Variants in CYP3A5 observed in about 807,000 individuals in gnomAD.
CYP3A5 encodes the protein cytochrome P450 3A5.
CYP3A5 carries 51 observed loss-of-function variants against 55.9 expected under a neutral mutation model. The ratio of observed to expected loss-of-function variants is 0.91; its 90% CI spans 0.73 to 1.15. The LOEUF is 1.15. Among genes scored for constraint, CYP3A5 ranks in the 50% most tolerant of loss-of-function variants. The pLI is 0.00. For synonymous variants in CYP3A5, 196 were observed against 213.9 expected (o/e 0.92, Z 0.73); for missense variants, 533 against 596.6 (o/e 0.89, Z 1.11).
intron 4 of CYP3A5, among the ~76,000 whole-genome samples, chr7:99,669,764 TA>T: frequency 6.6e-6 from 1 of 152,214 alleles, no homozygotes; most frequent in East Asian, 1.9e-4. Context: ...AAGACACAAC[TA>T]AATCAAGAGA....
chr7:99,677,380 T>C (rs1812388292), intron 1 of CYP3A5, among the ~76,000 whole-genome samples: 1 of 152,178 alleles, frequency 6.6e-6, no homozygotes, highest in Non-Finnish European at 1.5e-5. Context: ...AGAATCCACA[T>C]GCCTCATATG....
chr7:99,649,387 A>G (rs769673634), intron 12 of CYP3A5, among the ~76,000 whole-genome samples: 16 of 152,210 alleles, frequency 1.1e-4, no homozygotes, highest in Non-Finnish European at 2.2e-4. Flanking sequence ...ATATGAATCA[A>G]TGACATCTGT....
intron 8 of CYP3A5, 125 bp downstream of exon 8, chr7:99,663,843 C>A (rs1810689268): frequency 1.2e-5 from 17 of 1,395,198 alleles, no homozygotes; most frequent in Non-Finnish European, 1.5e-5. Flanking sequence ...CAAATGGCTT[C>A]TCTTGTTCTA....
At position 99,662,764 on chromosome 7, in the gene CYP3A5, C is replaced by A. The variant is rs1433366537; in HGVS notation, c.865+52G>T. The A allele has an allele frequency of 4.6e-6, 7 of 1,524,532 alleles. No homozygotes were observed. Among genetic ancestry groups the A allele is most frequent in the South Asian group, 1.1e-5 (1 of 88,636 alleles). 94.4% of individuals were successfully genotyped at this position (1,524,532 alleles called of 1,614,324 possible). The stretch of plus-strand genomic sequence containing the variant: ...CTTCCTGCACATTTTCAGAACAAGG[C>A]CCTCCCTCTTAGTGTCCCCGCCAGT... On this transcript the variant is annotated intron_variant, in intron 9 of 12. Transcript: ENST00000222982. This position sits in a 1 kb window ranked among gnomAD's most constrained non-coding sequence, Gnocchi z 4.3.
At chr7:99,660,332 G>A (rs889896738) in intron 10 of CYP3A5, 167 bp downstream of exon 10, 83 of 1,245,304 alleles carry the variant, frequency 6.7e-5, no homozygotes, top group African/African-American at 5.4e-4. Context: ...AGTAGCAACC[G>A]TTCTCTATGT....
chr7:99,673,699 T>G (rs1811930211), intron 3 of CYP3A5, among the ~76,000 whole-genome samples: 1 of 152,164 alleles, frequency 6.6e-6, no homozygotes, highest in Non-Finnish European at 1.5e-5. Flanking sequence ...GGCTTTTAAT[T>G]GAAAGTGAAT....
At chr7:99,669,249 CAAAG>C (rs1811344548) in intron 4 of CYP3A5, among the ~76,000 whole-genome samples, 1 of 152,194 alleles carries the variant, frequency 6.6e-6, no homozygotes, top group South Asian at 2.1e-4. Context: ...TGCCAGTTTT[CAAAG>C]ACTACAATTT....
intron 6 of CYP3A5, 25 bp from the exon 7 acceptor site, chr7:99,665,339 T>C: frequency 1.9e-6 from 3 of 1,613,584 alleles, no homozygotes; most frequent in South Asian, 2.2e-5. Flanking sequence ...ATATGGAAAA[T>C]TAAAATCAGC....
intron 10 of CYP3A5, among the ~76,000 whole-genome samples, chr7:99,658,590 G>T (rs1584424124): frequency 6.6e-6 from 1 of 152,190 alleles, no homozygotes; most frequent in African/African-American, 2.4e-5. Context: ...GAGTATCTTT[G>T]TGGCGTTCTC....
intron 10 of CYP3A5, among the ~76,000 whole-genome samples, chr7:99,656,046 C>G (rs1349945633): frequency 6.6e-6 from 1 of 152,200 alleles, no homozygotes; most frequent in Non-Finnish European, 1.5e-5. Context: ...TTGACTTCCT[C>G]TTTTCCTAAT....
chr7:99,656,257 C>A (rs1454269293), intron 10 of CYP3A5, among the ~76,000 whole-genome samples: 1 of 152,164 alleles, frequency 6.6e-6, no homozygotes, highest in Non-Finnish European at 1.5e-5. Flanking sequence ...TAGGTTCCAT[C>A]AATACCTAAT....
At chr7:99,650,047 A>G (rs747168970) in intron 12 of CYP3A5, 26 bp downstream of exon 12, 31 of 1,612,694 alleles carry the variant, frequency 1.9e-5, no homozygotes, top group Non-Finnish European at 2.4e-5. Context: ...AAAATTCTTA[A>G]TAAAACATAC....
In CYP3A5 at chr7:99,652,594, G is replaced by T. The variant is rs1809301631; in HGVS notation, c.1212C>A (p.Asp404Glu). The change falls in exon 11 of 13, where the codon GAC becomes GAA. Residue 404 changes from aspartate to glutamate, a missense_variant. By Grantham distance (45) the Asp-to-Glu change is conservative. Transcript: ENST00000222982. ...CCTCAGGCTCTGTCCAGTACTTTGG[G>T]TCATGGTGAAGAGCATAAGTTGGAA... ...VVIPTYALHH[D>E]PKYWTEPEEF... is the part of the protein sequence containing the mutation. 2.5e-6 allele frequency: 4 copies of T among 1,613,884 alleles called. No individual in the cohort carries two copies. Among genetic ancestry groups the T allele is most frequent in the Non-Finnish European group, 3.4e-6 (4 of 1,179,860 alleles).
intron 3 of CYP3A5, 99 bp from the exon 4 acceptor site, chr7:99,672,778 C>A: frequency 6.3e-7 from 1 of 1,580,916 alleles, no homozygotes; most frequent in East Asian, 2.3e-5. Context: ...GTTATGTAAT[C>A]CATACCCCTA....
In CYP3A5 at chr7:99,653,210, G is replaced by A. The variant is rs890808731; in HGVS notation, c.1027-431C>T. Among the ~76,000 whole-genome samples, 1 of 152,174 alleles carries A rather than the reference G, an allele frequency of 6.6e-6. No homozygotes were observed. The highest frequency in any genetic ancestry group is 2.4e-5 in the African/African-American group (1 of 41,450). ...ATATCCTCTTCACACAAGGATTATT[G>A]GTTGCAGAGTCCTGCTTGGTAACTC... is the stretch of plus-strand genomic sequence containing the variant. On this transcript the variant is annotated intron_variant, in intron 10 of 12. Coordinates refer to ENST00000222982, the MANE Select transcript of CYP3A5 (RefSeq NM_000777.5). The surrounding 1 kb of genome is among the most constrained non-coding windows in gnomAD (Gnocchi z 4.2).
At chr7:99,669,173 T>C (rs1409089049) in intron 4 of CYP3A5, among the ~76,000 whole-genome samples, 1 of 152,212 alleles carries the variant, frequency 6.6e-6, no homozygotes, top group African/African-American at 2.4e-5. Flanking sequence ...CAATGAAAAG[T>C]GGACAAATGA....
chr7:99,676,364 A>C, intron 1 of CYP3A5, 156 bp from the exon 2 acceptor site: 3 of 1,533,624 alleles, frequency 2.0e-6, no homozygotes, highest in Non-Finnish European at 2.6e-6. Context: ...GCATTCACTC[A>C]TCAGGTCCTT....
chr7:99,665,359 C>A, intron 6 of CYP3A5, 45 bp from the exon 7 acceptor site: 4 of 1,609,598 alleles, frequency 2.5e-6, no homozygotes, highest in Non-Finnish European at 3.4e-6. Flanking sequence ...CACCTCTTAC[C>A]GTCCTTCCAC....
chr7:99,659,878 C>G (rs369867429), intron 10 of CYP3A5: 4 of 149,726 alleles, frequency 2.7e-5, no homozygotes, highest in African/African-American at 1.0e-4. Flanking sequence ...CCGAGCCATG[C>G]GCGGGATATA....
Sources: allele counts gnomAD v4.1 joint callset (sites outside exome capture counted in the v4.1 genomes callset), GRCh38; gene constraint gnomAD v4.1.1; non-coding constraint Gnocchi (gnomAD v3.1); transcripts MANE v1.5; gene names NCBI Gene and HGNC (gene_info 2026-07-23, HGNC 2026-07-21).